DNAH8: variants seen among roughly 807,000 people sequenced by gnomAD.
DNAH8 encodes dynein axonemal heavy chain 8, also known as axonemal beta dynein heavy chain 8.
A neutral mutation model predicts 562.1 loss-of-function variants in DNAH8; 382 were observed. The observed-to-expected ratio is 0.68, with a 90% CI of 0.63 to 0.74. DNAH8 has a LOEUF of 0.74. DNAH8 is among the 30% of genes least tolerant of loss of function. The pLI, the probability that DNAH8 is intolerant of heterozygous loss-of-function variation, is 0.00. For synonymous variants in DNAH8, 1,881 were observed against 1,919.4 expected (o/e 0.98, Z 0.52); for missense variants, 5,203 against 5,620.4 (o/e 0.93, Z 2.37).
intron 79 of DNAH8, among the ~76,000 whole-genome samples, chr6:38,944,100 A>AAACAACCAAG (rs1554141773): frequency 1.3e-5 from 2 of 151,996 alleles, no homozygotes; most frequent in African/African-American, 2.4e-5. Context: ...ATTTCTTTGG[A>AAACAACCAAG]AACAACCAAG....
chr6:38,862,604 G>C, intron 44 of DNAH8, 146 bp downstream of exon 44: 1 of 902,404 alleles, frequency 1.1e-6, no homozygotes, highest in Non-Finnish European at 1.6e-6. Flanking sequence ...CATTTTTCTA[G>C]GTCAAAAATG....
intron 24 of DNAH8, among the ~76,000 whole-genome samples, chr6:38,809,656 T>C (rs1271427140): frequency 1.3e-5 from 2 of 152,228 alleles, no homozygotes; most frequent in Non-Finnish European, 1.5e-5. Flanking sequence ...TGACGTTTTA[T>C]AAATCTCTGT....
At position 38,737,095 on chromosome 6, in the gene DNAH8, C is replaced by T. The variant is rs751829816; in HGVS notation, c.791C>T (p.Ser264Leu). The change falls in exon 6 of 93, where the codon TCG (serine) becomes TTG (leucine). Residue 264 changes from serine to leucine, a missense_variant. By Grantham distance (145) the Ser-to-Leu change is moderately radical. Around this residue, in one of 6 missense-constraint regions of DNAH8, gnomAD observed 556 missense variants for 496.9 expected, o/e 1.12. Transcript: ENST00000327475. ...EEALFTVLDASKGLLNGIRDM... is the reference protein window; with the variant it reads ...EEALFTVLDALKGLLNGIRDM... ...GCGCTCTTTACTGTTCTGGATGCGTCGAAAGGACTCTTAAATGGAATTAGG... is the reference window on the plus strand; with the variant it reads ...GCGCTCTTTACTGTTCTGGATGCGTTGAAAGGACTCTTAAATGGAATTAGG... 4.5e-6 allele frequency: 7 copies of T among 1,566,234 alleles called. No homozygotes were observed. The highest frequency in any genetic ancestry group is 3.4e-6 in the Non-Finnish European group (4 of 1,162,590).
chr6:38,815,662 G>A lies in DNAH8; in HGVS notation c.3523+5G>A. On this transcript the variant is annotated splice_donor_5th_base_variant and intron_variant, in intron 26 of 92. Transcript: ENST00000327475. ...AACTGCTGAAGAAGGAAGAAAGTAAGAATGTAAAATTAGTCAATGATCTTA... is the reference window on the plus strand; with the variant it reads ...AACTGCTGAAGAAGGAAGAAAGTAAAAATGTAAAATTAGTCAATGATCTTA... 6.2e-7 allele frequency: 1 copy of A among 1,606,988 alleles called. No homozygotes were observed. Among genetic ancestry groups the A allele is most frequent in the African/African-American group, 1.3e-5 (1 of 74,736 alleles).
At chr6:38,982,273 T>G (rs1764084506) in intron 85 of DNAH8, 73 bp from the exon 86 acceptor site, 2 of 677,650 alleles carry the variant, frequency 3.0e-6, no homozygotes, top group East Asian at 5.0e-5. Context: ...TAGCCTTAAT[T>G]TTACTGTATT....
intron 26 of DNAH8, among the ~76,000 whole-genome samples, chr6:38,820,268 A>G (rs1583094203): frequency 6.6e-6 from 1 of 152,200 alleles, no homozygotes; most frequent in East Asian, 1.9e-4. Context: ...GGGTGCAGAA[A>G]TACTCATGTT....
intron 7 of DNAH8, 73 bp from the exon 8 acceptor site, chr6:38,741,637 TC>T (rs1286324831): frequency 7.6e-6 from 10 of 1,316,846 alleles, no homozygotes; most frequent in Non-Finnish European, 1.0e-5. Flanking sequence ...TCAGCTGCCT[TC>T]AAAAAGATGC....
At chr6:38,898,677 C>A (rs1779872755) in intron 61 of DNAH8, among the ~76,000 whole-genome samples, 2 of 152,134 alleles carry the variant, frequency 1.3e-5, no homozygotes, top group Non-Finnish European at 2.9e-5. Flanking sequence ...GTATGGAGAA[C>A]CCTGTGAAAA....
intron 17 of DNAH8, 89 bp downstream of exon 17, chr6:38,783,228 C>T (rs1768820976): frequency 8.6e-7 from 1 of 1,169,288 alleles, no homozygotes; most frequent in Non-Finnish European, 1.2e-6. Context: ...TCCATCCCTT[C>T]CACATAATCT....
chr6:38,871,913 G>A (rs1339284959), intron 49 of DNAH8, among the ~76,000 whole-genome samples: 1 of 152,164 alleles, frequency 6.6e-6, no homozygotes, highest in African/African-American at 2.4e-5. Flanking sequence ...CAATCTTTGA[G>A]GTGTAAGTTA....
intron 19 of DNAH8, among the ~76,000 whole-genome samples, 197 bp from the exon 20 acceptor site, chr6:38,790,092 T>C (rs1019746294): frequency 2.6e-5 from 4 of 152,088 alleles, no homozygotes; most frequent in African/African-American, 9.7e-5. Flanking sequence ...ATCATGAGCA[T>C]TTTTTCTGAA....
At chr6:38,969,986 G>A (rs13192864) in intron 82 of DNAH8, among the ~76,000 whole-genome samples, 20,751 of 151,954 alleles carry the variant, frequency 0.14, 1,632 homozygotes, top group Middle Eastern at 0.21. Context: ...AAGAGGTGGC[G>A]GTCACTTACA....
intron 12 of DNAH8, among the ~76,000 whole-genome samples, chr6:38,773,065 C>A (rs981339091): frequency 1.4e-5 from 2 of 145,012 alleles, no homozygotes; most frequent in African/African-American, 2.6e-5. Context: ...AGTCCTCCTT[C>A]CTCAGCCTCC....
chr6:38,847,934 C>A lies in DNAH8; in HGVS notation c.5046-714C>A, dbSNP rs551372492. Among the ~76,000 whole-genome samples, 5 of 152,224 alleles carry A rather than the reference C, an allele frequency of 3.3e-5. No individual in the cohort carries two copies. In the East Asian group the frequency reaches 7.7e-4, roughly 23 times the overall value. ...AGCCCTGATGATCAGAAAACAGGAG[C>A]CCTGCTATATGGGGGTAGCAACCCT... is the stretch of plus-strand genomic sequence containing the variant. On this transcript the variant is annotated intron_variant, in intron 36 of 92. Coordinates refer to ENST00000327475, the MANE Select transcript of DNAH8 (RefSeq NM_001206927.2).
At chr6:39,021,410 G>A (rs1379382012) in intron 91 of DNAH8, among the ~76,000 whole-genome samples, 1 of 152,166 alleles carries the variant, frequency 6.6e-6, no homozygotes, top group African/African-American at 2.4e-5. Flanking sequence ...TGGTGCCTGG[G>A]TTCCACCTCC....
At chr6:38,841,080 A>G (rs1201616512) in intron 33 of DNAH8, among the ~76,000 whole-genome samples, 1 of 152,202 alleles carries the variant, frequency 6.6e-6, no homozygotes, top group East Asian at 1.9e-4. Flanking sequence ...AGATCGCAGA[A>G]TGTGTCTTAG....
intron 58 of DNAH8, among the ~76,000 whole-genome samples, chr6:38,892,362 T>A (rs749122439): frequency 6.6e-6 from 1 of 152,202 alleles, no homozygotes; most frequent in Non-Finnish European, 1.5e-5. Flanking sequence ...ATCTCAAAGT[T>A]ACCATGTCCA....
intron 87 of DNAH8, 148 bp downstream of exon 87, chr6:38,984,455 C>A: frequency 1.6e-6 from 1 of 613,878 alleles, no homozygotes; most frequent in Non-Finnish European, 2.9e-6. Context: ...TGCGCTTACA[C>A]ACACGCACAC....
At chr6:38,971,845 A>C (rs1763376036) in intron 83 of DNAH8, 180 bp downstream of exon 83, 6 of 467,500 alleles carry the variant, frequency 1.3e-5, no homozygotes. Context: ...AGCTTATTCC[A>C]TTTTCTATAG....
Sources: gnomAD v4.1 joint callset for allele counts (sites outside exome capture counted in the v4.1 genomes callset) on GRCh38, gnomAD v4.1.1 for gene constraint, gnomAD v4.1.1 regional missense constraint, MANE v1.5 for transcripts, NCBI Gene and HGNC (gene_info 2026-07-23, HGNC 2026-07-21) for gene names.